GINS1: variants seen among roughly 807,000 people sequenced by gnomAD.
GINS1 encodes GINS complex subunit 1, also known as DNA replication complex GINS protein PSF1.
Under a neutral mutation model 34.9 loss-of-function variants are expected in GINS1, and 26 were observed. The ratio of observed to expected loss-of-function variants is 0.74; its 90% CI spans 0.55 to 1.03. The LOEUF is 1.03. Ranked by LOEUF, GINS1 falls within the 50% of genes least tolerant of loss-of-function variation. The pLI, the probability that GINS1 is intolerant of heterozygous loss-of-function variation, is 0.00. For synonymous variants in GINS1, 97 were observed against 84.4 expected, an observed-to-expected ratio of 1.15 and a Z score of -0.82; for missense variants, 235 against 237.9, an observed-to-expected ratio of 0.99 and a Z score of 0.08.
chr20:25,428,759 ACT>A (rs1317934255), intron 5 of GINS1, among the ~76,000 whole-genome samples: 2 of 150,622 alleles, frequency 1.3e-5, no homozygotes, highest in Admixed American at 1.3e-4. Flanking sequence ...TGGTTTTGAC[ACT>A]CTTGTCAAAA....
chr20:25,443,505 T>G (rs2090494059), intron 6 of GINS1, among the ~76,000 whole-genome samples: 1 of 139,942 alleles, frequency 7.1e-6, no homozygotes, highest in African/African-American at 2.7e-5. Context: ...TGAGACAAAG[T>G]CTCGCTCTTG....
At chr20:25,416,616 C>A (rs1288472130) in intron 2 of GINS1, among the ~76,000 whole-genome samples, 1 of 152,132 alleles carries the variant, frequency 6.6e-6, no homozygotes, top group Non-Finnish European at 1.5e-5. Context: ...ATTTGGAGAT[C>A]AACAGATATT....
rs1180309814 is a variant in GINS1, at chr20:25,446,586, T to G, written c.*595T>G. On this transcript the variant is annotated 3_prime_UTR_variant, in exon 7 of 7. Coordinates refer to ENST00000262460, the MANE Select transcript of GINS1 (RefSeq NM_021067.5). ...AAGTGAAGATGATGGTCTGTAGAAA[T>G]TTTCAGTATATATAATGTTTAATGA... 1 of 152,220 alleles carries G rather than the reference T, an allele frequency of 6.6e-6. No homozygotes were observed. Among genetic ancestry groups the G allele is most frequent in the African/African-American group, 2.4e-5 (1 of 41,436 alleles). The allele number at this position is 152,220 out of a possible 1,614,324, so 9.4% of individuals were successfully genotyped here.
At chr20:25,420,955 G>C in intron 4 of GINS1, 1 of 984,586 alleles carries the variant, frequency 1.0e-6, no homozygotes, top group South Asian at 4.7e-5. Context: ...AACTGCATCA[G>C]CCATTTTGGA....
At chr20:25,421,058 T>C (rs2090352379) in intron 4 of GINS1, 1 of 643,672 alleles carries the variant, frequency 1.6e-6, no homozygotes, top group Non-Finnish European at 1.9e-6. Flanking sequence ...TACCCAAGGA[T>C]AGTGCTTCAA....
intron 1 of GINS1, among the ~76,000 whole-genome samples, chr20:25,412,416 G>T (rs986251461): frequency 1.4e-4 from 21 of 151,486 alleles, no homozygotes; most frequent in African/African-American, 3.9e-4. Context: ...TTAGCCAGGC[G>T]TGGTGGTGGG....
chr20:25,418,038 C>A (rs1600923418), intron 3 of GINS1, 67 bp from the exon 4 acceptor site: 4 of 853,684 alleles, frequency 4.7e-6, no homozygotes, highest in Non-Finnish European at 8.2e-6. Flanking sequence ...GCATCAGGGG[C>A]CAAATGAAGT....
intron 1 of GINS1, 94 bp from the exon 2 acceptor site, chr20:25,413,696 A>G (rs2090301721): frequency 1.3e-6 from 1 of 778,080 alleles, no homozygotes; most frequent in Non-Finnish European, 2.3e-6. Context: ...TTGCTAAAGT[A>G]TATAAATGAA....
At chr20:25,436,301 A>C (rs964196683) in intron 5 of GINS1, among the ~76,000 whole-genome samples, 42 of 152,224 alleles carry the variant, frequency 2.8e-4, no homozygotes, top group African/African-American at 1.0e-3. Flanking sequence ...TTTGATTATA[A>C]TGTGTCTCAT....
intron 5 of GINS1, among the ~76,000 whole-genome samples, chr20:25,435,497 C>A (rs1038023690): frequency 1.5e-4 from 23 of 152,086 alleles, no homozygotes; most frequent in Middle Eastern, 3.4e-3. Flanking sequence ...TGGTGGCTCA[C>A]GCCTGTAATC....
At chr20:25,444,334 A>G (rs1013113446) in intron 6 of GINS1, among the ~76,000 whole-genome samples, 1 of 152,078 alleles carries the variant, frequency 6.6e-6, no homozygotes, top group Non-Finnish European at 1.5e-5. Flanking sequence ...TCTAATATAC[A>G]TTCTTTTATA....
chr20:25,419,707 G>T, intron 4 of GINS1: 1 of 408,252 alleles, frequency 2.4e-6, no homozygotes, highest in South Asian at 2.1e-5. Context: ...CTGTTGCCCA[G>T]GCTGGAGTAC....
At chr20:25,417,299 CTCTT>C (rs1402576273) in intron 3 of GINS1, 97 bp downstream of exon 3, 3 of 683,118 alleles carry the variant, frequency 4.4e-6, no homozygotes, top group Non-Finnish European at 7.8e-6. Context: ...AGATCTCTCT[CTCTT>C]TGTAAGCATT....
chr20:25,444,296 A>T (rs2090499412), intron 6 of GINS1, among the ~76,000 whole-genome samples: 1 of 152,146 alleles, frequency 6.6e-6, no homozygotes. Context: ...TACAGGCGTG[A>T]GCCACTGCGC....
intron 5 of GINS1, among the ~76,000 whole-genome samples, chr20:25,439,178 C>CA (rs1298107033): frequency 6.6e-6 from 1 of 152,118 alleles, no homozygotes; most frequent in Admixed American, 6.6e-5. Flanking sequence ...CACTTGGGCC[C>CA]ACTGATTAAT....
At chr20:25,429,853 T>C (rs928256402) in intron 5 of GINS1, among the ~76,000 whole-genome samples, 1 of 152,238 alleles carries the variant, frequency 6.6e-6, no homozygotes, top group Non-Finnish European at 1.5e-5. Context: ...TTATGTTGAA[T>C]AGAAGTGGCA....
chr20:25,416,897 A>G (rs112742694), intron 2 of GINS1, among the ~76,000 whole-genome samples: 2 of 152,230 alleles, frequency 1.3e-5, no homozygotes, highest in African/African-American at 2.4e-5. Flanking sequence ...TGTATCTGGT[A>G]GCATGATCTT....
At position 25,407,799 on chromosome 20, in the gene GINS1, G is replaced by A. The variant is rs535701339; in HGVS notation, c.-22G>A. On this transcript the variant is annotated 5_prime_UTR_variant, in exon 1 of 7. Transcript: ENST00000262460. ...GTGAGAGCTGGTGGTTGGCAAGGCC[G>A]CGGGAGTGGGAAGCGTCCGCCATGT... 4 of 1,605,164 alleles carry A rather than the reference G, an allele frequency of 2.5e-6. No individual in the cohort carries two copies. The highest frequency in any genetic ancestry group is 3.4e-6 in the Non-Finnish European group (4 of 1,173,724).
intron 5 of GINS1, among the ~76,000 whole-genome samples, chr20:25,428,984 T>C (rs1290567692): frequency 2.9e-3 from 19 of 6,470 alleles, no homozygotes; most frequent in Non-Finnish European, 6.5e-3. Context: ...TTTTTTTTTT[T>C]TTTTTTTTTT....
Sources: gnomAD v4.1 joint callset for allele counts (sites outside exome capture counted in the v4.1 genomes callset) on GRCh38, gnomAD v4.1.1 for gene constraint, MANE v1.5 for transcripts, NCBI Gene and HGNC (gene_info 2026-07-23, HGNC 2026-07-21) for gene names.